NMT1: variants seen among roughly 807,000 people sequenced by gnomAD.
NMT1 encodes the protein glycylpeptide N-tetradecanoyltransferase 1.
A neutral mutation model predicts 63.4 loss-of-function variants in NMT1; 12 were observed. The ratio of observed to expected loss-of-function variants is 0.19; its 90% CI spans 0.12 to 0.31. The LOEUF is 0.31. Ranked by LOEUF, NMT1 falls within the 10% of genes least tolerant of loss-of-function variation. NMT1 has a pLI of 1.00. For missense variants in NMT1, 432 were observed against 634.6 expected, an observed-to-expected ratio of 0.68 and a Z score of 3.43; for synonymous variants, 228 against 234.3, an observed-to-expected ratio of 0.97 and a Z score of 0.25.
chr17:45,104,572 A>G lies in NMT1; in HGVS notation c.1333-287A>G, dbSNP rs779413933. ...CAGAGAGGACTGTGGAAATTACTAG[A>G]GTTTCAGGGAGGCATAACCAGGAAT... On this transcript the variant is annotated intron_variant, in intron 10 of 11. Coordinates refer to ENST00000258960, the MANE Select transcript of NMT1 (RefSeq NM_021079.5). The surrounding 1 kb of genome is among the most constrained non-coding windows in gnomAD (Gnocchi z 4.2). 1.3e-5 allele frequency: 15 copies of G among 1,186,132 alleles called. No homozygotes were observed. The highest frequency in any genetic ancestry group is 1.6e-5 in the Non-Finnish European group (15 of 954,782). 73.5% of individuals were successfully genotyped at this position (1,186,132 alleles called of 1,614,324 possible). A position where few individuals can be genotyped will look rare whatever the true frequency, so the allele number is the denominator to read the frequency against.
chr17:45,088,993 T>C (rs562577580), intron 3 of NMT1, among the ~76,000 whole-genome samples: 1 of 152,304 alleles, frequency 6.6e-6, no homozygotes, highest in African/African-American at 2.4e-5. Context: ...CAGTGTGTGG[T>C]GTCGGACTCC....
chr17:45,072,249 C>CT (rs1410052404), intron 1 of NMT1, among the ~76,000 whole-genome samples: 1 of 140,098 alleles, frequency 7.1e-6, no homozygotes. Flanking sequence ...AAGAAACTGT[C>CT]TTTACAAAAA....
At position 45,106,253 on chromosome 17, in the gene NMT1, G is replaced by C. The variant is rs2054201792; in HGVS notation, c.*614G>C. On this transcript the variant is annotated 3_prime_UTR_variant, in exon 12 of 12. Coordinates refer to ENST00000258960, the MANE Select transcript of NMT1 (RefSeq NM_021079.5). ...GATGGAACAGGCTCAGATCTCATGG[G>C]ATAGCACGTGGAGCTCTTGGCTGGG... is the stretch of plus-strand genomic sequence containing the variant. 6.5e-6 allele frequency: 1 copy of C among 152,680 alleles called. No individual in the cohort carries two copies. The highest frequency in any genetic ancestry group is 1.5e-5 in the Non-Finnish European group (1 of 68,060). 9.5% of individuals were successfully genotyped at this position (152,680 alleles called of 1,614,324 possible).
intron 1 of NMT1, among the ~76,000 whole-genome samples, chr17:45,073,333 G>A (rs1328649707): frequency 6.6e-6 from 1 of 151,788 alleles, no homozygotes; most frequent in African/African-American, 2.4e-5. Flanking sequence ...GAAGAGAATC[G>A]CTTGAACCCA....
At position 45,104,365 on chromosome 17, in the gene NMT1, C is replaced by T. The variant is rs2054189742; in HGVS notation, c.1332+489C>T. 1.7e-6 allele frequency: 2 copies of T among 1,145,558 alleles called. No individual in the cohort carries two copies. The highest frequency in any genetic ancestry group is 2.2e-6 in the Non-Finnish European group (2 of 924,080). 71.0% of individuals were successfully genotyped at this position (1,145,558 alleles called of 1,614,324 possible). A position where few individuals can be genotyped will look rare whatever the true frequency, so the allele number is the denominator to read the frequency against. ...GGTCCCTGCCCTGTGAGAGCTTCTG[C>T]TCCAGTTGGTGAGGTTTAGGAAGCA... On this transcript the variant is annotated intron_variant, in intron 10 of 11. Transcript: ENST00000258960. The surrounding 1 kb of genome is among the most constrained non-coding windows in gnomAD (Gnocchi z 4.2).
At position 45,103,631 on chromosome 17, in the gene NMT1, G is replaced by A; in HGVS notation, c.1165-78G>A. ...AGGGGCAGAGCTGCCTGAAGGTGGA[G>A]TGAGAGAAACATTTTGTTCCCGGGC... On this transcript the variant is annotated intron_variant, in intron 9 of 11. Transcript: ENST00000258960. The surrounding 1 kb of genome is among the most constrained non-coding windows in gnomAD (Gnocchi z 4.8). The A allele has an allele frequency of 2.1e-6, 3 of 1,423,140 alleles. No homozygotes were observed. The highest frequency in any genetic ancestry group is 2.9e-6 in the Non-Finnish European group (3 of 1,038,014). 88.2% of individuals were successfully genotyped at this position (1,423,140 alleles called of 1,614,324 possible). A position where few individuals can be genotyped will look rare whatever the true frequency, so the allele number is the denominator to read the frequency against.
chr17:45,099,865 C>G (rs2054149691), intron 8 of NMT1: 1 of 233,376 alleles, frequency 4.3e-6, no homozygotes, highest in African/African-American at 2.2e-5. Context: ...GTTCCAAAGC[C>G]CAGCGCAGAT....
Position 45,093,764 on chromosome 17 carries a change from C to T in NMT1, c.465C>T (p.Gly155=). Residue 155 remains glycine (G), a synonymous_variant, in exon 4 of 12, where the codon GGC becomes GGT. Coordinates refer to ENST00000258960, the MANE Select transcript of NMT1 (RefSeq NM_021079.5). ...AGGAGCCCTACACCCTGCCCCAGGG[C>T]TTCACCTGGGATGCTTTGGACCTGG... ...IRQEPYTLPQ[G]FTWDALDLGD... 2.5e-6 allele frequency: 4 copies of T among 1,614,270 alleles called. No individual in the cohort carries two copies. Among genetic ancestry groups the T allele is most frequent in the Non-Finnish European group, 3.4e-6 (4 of 1,180,036 alleles).
At chr17:45,074,079 G>A (rs1317427877) in intron 1 of NMT1, among the ~76,000 whole-genome samples, 2 of 152,116 alleles carry the variant, frequency 1.3e-5, no homozygotes, top group African/African-American at 4.8e-5. Flanking sequence ...CACATACCCA[G>A]CATTGCGCTC....
At chr17:45,096,428 G>A (rs2054125309) in intron 5 of NMT1, 143 bp downstream of exon 5, 2 of 690,988 alleles carry the variant, frequency 2.9e-6, no homozygotes, top group Non-Finnish European at 5.2e-6. Context: ...TGCATCTGAA[G>A]GACACTTGCT....
chr17:45,103,573 A>G lies in NMT1; in HGVS notation c.1165-136A>G, dbSNP rs928039184. The stretch of plus-strand genomic sequence containing the variant: ...AGCCAATGTCCCTCCTCCTCCCCAC[A>G]TGTCCTGTTGCAGTTTCCAGCCATT... On this transcript the variant is annotated intron_variant, in intron 9 of 11. Transcript: ENST00000258960. The surrounding 1 kb of genome is among the most constrained non-coding windows in gnomAD (Gnocchi z 4.8). 2.3e-6 allele frequency: 2 copies of G among 881,070 alleles called. No homozygotes were observed. The highest frequency in any genetic ancestry group is 1.7e-5 in the African/African-American group (1 of 59,614). 54.6% of individuals were successfully genotyped at this position (881,070 alleles called of 1,614,324 possible). A position where few individuals can be genotyped will look rare whatever the true frequency, so the allele number is the denominator to read the frequency against.
At chr17:45,072,455 G>T (rs1475202724) in intron 1 of NMT1, among the ~76,000 whole-genome samples, 1 of 151,198 alleles carries the variant, frequency 6.6e-6, no homozygotes, top group Admixed American at 6.6e-5. Flanking sequence ...AGTAGAGATG[G>T]GGTTTCGCCA....
At position 45,106,464 on chromosome 17, in the gene NMT1, C is replaced by A. The variant is rs1430002785; in HGVS notation, c.*825C>A. On this transcript the variant is annotated 3_prime_UTR_variant, in exon 12 of 12. Transcript: ENST00000258960. ...GGCTCTTTAGCCAGTTGTTGCCAACCTTATAGGGATGAGTCCCCTGTGAGA... is the reference window on the plus strand; with the variant it reads ...GGCTCTTTAGCCAGTTGTTGCCAACATTATAGGGATGAGTCCCCTGTGAGA... The A allele has an allele frequency of 6.6e-6, 1 of 152,656 alleles. No individual in the cohort carries two copies. Among genetic ancestry groups the A allele is most frequent in the Non-Finnish European group, 1.5e-5 (1 of 68,068 alleles). The allele number at this position is 152,656 out of a possible 1,614,324, so 9.5% of individuals were successfully genotyped here. A position where few individuals can be genotyped will look rare whatever the true frequency, so the allele number is the denominator to read the frequency against.
chr17:45,081,656 A>G lies in NMT1; in HGVS notation c.144A>G (p.Pro48=). ...DNSYNRGGLS[P]ANDTGAKKKK... Reference sequence around the variant, plus strand: ...CTTTTTGTTACAGTGGTTTGAGTCCAGCCAATGACACTGGAGCCAAAAAGA... The same window carrying G: ...CTTTTTGTTACAGTGGTTTGAGTCCGGCCAATGACACTGGAGCCAAAAAGA... Residue 48 remains proline (P), a synonymous_variant, in exon 2 of 12, where the codon CCA becomes CCG. Transcript: ENST00000258960. 1 of 1,612,800 alleles carries G rather than the reference A, an allele frequency of 6.2e-7. No individual in the cohort carries two copies. The highest frequency in any genetic ancestry group is 8.5e-7 in the Non-Finnish European group (1 of 1,179,668).
At chr17:45,061,540 C>T (rs1426769185) in intron 1 of NMT1, 80 bp downstream of exon 1, 4 of 1,293,344 alleles carry the variant, frequency 3.1e-6, no homozygotes, top group African/African-American at 1.5e-5. Flanking sequence ...TCACCGGGAG[C>T]TTAGTCTAGC....
chr17:45,075,798 G>T (rs1333779810), intron 1 of NMT1, among the ~76,000 whole-genome samples: 1 of 152,188 alleles, frequency 6.6e-6, no homozygotes. Flanking sequence ...GGCCAGGCAC[G>T]GTGGCTTACG....
At chr17:45,097,374 A>C (rs2054132057) in intron 6 of NMT1, 130 bp downstream of exon 6, 1 of 752,522 alleles carries the variant, frequency 1.3e-6, no homozygotes, top group Non-Finnish European at 2.4e-6. Flanking sequence ...GAGGATGCCC[A>C]GGTGCGGGGA....
intron 3 of NMT1, among the ~76,000 whole-genome samples, chr17:45,091,643 G>A (rs1008394362): frequency 6.6e-5 from 10 of 152,168 alleles, no homozygotes; most frequent in African/African-American, 2.4e-4. Flanking sequence ...CCTCAGTTTT[G>A]TAGGCTCAAA....
intron 3 of NMT1, among the ~76,000 whole-genome samples, chr17:45,089,639 C>G (rs1322957371): frequency 6.7e-6 from 1 of 149,950 alleles, no homozygotes; most frequent in Non-Finnish European, 1.5e-5. Context: ...CGCACCCGGC[C>G]CTCTCTTTTA....
Sources: gnomAD v4.1 joint callset for allele counts (sites outside exome capture counted in the v4.1 genomes callset) on GRCh38, gnomAD v4.1.1 for gene constraint, Gnocchi (gnomAD v3.1) non-coding constraint, MANE v1.5 for transcripts, NCBI Gene and HGNC (gene_info 2026-07-23, HGNC 2026-07-21) for gene names.